Variants in NRG1 observed in about 807,000 individuals in gnomAD.
NRG1 encodes pro-neuregulin-1, membrane-bound isoform.
Under a neutral mutation model 63.8 loss-of-function variants are expected in NRG1, and 18 were observed. That is an observed-to-expected ratio of 0.28 (90% CI 0.19 to 0.42). The LOEUF is 0.42. NRG1 is among the 10% of genes least tolerant of loss of function. The pLI is 1.00. For missense variants in NRG1, 762 were observed against 814.7 expected (o/e 0.94, Z 0.79); for synonymous variants, 302 against 301.3 (o/e 1.00, Z -0.02).
At chr8:32,639,503 G>A (rs2129545442) in intron 5 of NRG1, among the ~76,000 whole-genome samples, 1 of 152,258 alleles carries the variant, frequency 6.6e-6, no homozygotes, top group Admixed American at 6.5e-5. Context: ...TCTTTATTCT[G>A]GGAATGTTGT....
At chr8:32,322,292 T>C (rs964985229) in intron 1 of NRG1, among the ~76,000 whole-genome samples, 6 of 151,564 alleles carry the variant, frequency 4.0e-5, no homozygotes, top group African/African-American at 1.5e-4. Flanking sequence ...CTTTACAAAA[T>C]ATAATGGTTG....
intron 1 of NRG1, among the ~76,000 whole-genome samples, chr8:32,048,403 G>T (rs532683529): frequency 1.5e-5 from 2 of 137,406 alleles, no homozygotes; most frequent in East Asian, 4.1e-4. Context: ...ACATGTACAT[G>T]AATATGAATA....
intron 1 of NRG1, among the ~76,000 whole-genome samples, chr8:31,903,524 G>GACCCACAGAA (rs1460870792): frequency 6.6e-6 from 1 of 152,024 alleles, no homozygotes; most frequent in Non-Finnish European, 1.5e-5. Context: ...ATTGTGCTCT[G>GACCCACAGAA]TCTCAGTTCC....
intron 1 of NRG1, among the ~76,000 whole-genome samples, chr8:32,380,382 A>G (rs1278417228): frequency 1.3e-5 from 2 of 151,982 alleles, no homozygotes; most frequent in Non-Finnish European, 1.5e-5. Context: ...CTTTTTCTAT[A>G]TGCTCTTTTT....
chr8:31,760,805 G>T (rs1817465815), intron 1 of NRG1, among the ~76,000 whole-genome samples: 1 of 152,140 alleles, frequency 6.6e-6, no homozygotes, highest in Non-Finnish European at 1.5e-5. Context: ...GGAAAGAACA[G>T]GTGCTGGAGA....
chr8:32,239,162 T>G (rs559474208), intron 1 of NRG1, among the ~76,000 whole-genome samples: 1 of 152,216 alleles, frequency 6.6e-6, no homozygotes, highest in South Asian at 2.1e-4. Context: ...TTTATTTTTT[T>G]TTAAAAAGCT....
chr8:32,170,277 C>T lies in NRG1; in HGVS notation c.38-425551C>T, dbSNP rs554929504. The stretch of plus-strand genomic sequence containing the variant: ...CCAAGTGGGGAAGAAAAGGGAGAAA[C>T]AGGTTTAGAGGTGGAGTAAAAGATA... On this transcript the variant is annotated intron_variant, in intron 1 of 10. Coordinates refer to the NRG1 transcript ENST00000519301. 1.3e-4 allele frequency among the ~76,000 whole-genome samples: 20 copies of T among 152,258 alleles called. 1 individual carries two copies. The highest frequency in any genetic ancestry group is 4.6e-4 in the African/African-American group (19 of 41,558).
chr8:32,752,073 G>T (rs114992337), intron 7 of NRG1, among the ~76,000 whole-genome samples: 2,144 of 152,216 alleles, frequency 0.014, 46 homozygotes, highest in African/African-American at 0.049. Context: ...AAACAATAGA[G>T]GACGGAAAAG....
chr8:32,773,042 A>G (rs1831907656), intron 7 of NRG1, among the ~76,000 whole-genome samples: 1 of 152,082 alleles, frequency 6.6e-6, no homozygotes, highest in South Asian at 2.1e-4. Context: ...CCCTTCACTG[A>G]TACCTCTGAT....
intron 1 of NRG1, among the ~76,000 whole-genome samples, chr8:32,471,585 A>G (rs1823852915): frequency 6.6e-6 from 1 of 152,212 alleles, no homozygotes; most frequent in Non-Finnish European, 1.5e-5. Flanking sequence ...GTTTAGTAAG[A>G]GACAATAAAC....
chr8:32,598,999 A>G (rs1843845109), intron 2 of NRG1, among the ~76,000 whole-genome samples: 1 of 152,078 alleles, frequency 6.6e-6, no homozygotes, highest in African/African-American at 2.4e-5. Flanking sequence ...CATAGTGGTA[A>G]TGAATTGTTA....
chr8:32,493,735 G>A (rs962205433), intron 1 of NRG1, among the ~76,000 whole-genome samples: 4 of 152,074 alleles, frequency 2.6e-5, no homozygotes, highest in South Asian at 2.1e-4. Context: ...ATGCAAATAC[G>A]CCAGTTTTGC....
intron 1 of NRG1, among the ~76,000 whole-genome samples, chr8:31,683,583 G>T (rs746345434): frequency 6.6e-6 from 1 of 152,046 alleles, no homozygotes. Context: ...TCTTCAGGGC[G>T]GTGAAACTAT....
chr8:32,748,967 T>G, intron 7 of NRG1: 1 of 210,376 alleles, frequency 4.8e-6, no homozygotes, highest in Non-Finnish European at 9.6e-6. Flanking sequence ...GTAAAAGAGA[T>G]ACAGCTAAGA....
intron 1 of NRG1, among the ~76,000 whole-genome samples, chr8:32,205,113 T>A (rs1843897221): frequency 6.6e-6 from 1 of 152,200 alleles, no homozygotes; most frequent in East Asian, 1.9e-4. Flanking sequence ...ATCATATAAA[T>A]GGCTTAGAGG....
At chr8:32,749,446 C>A in intron 7 of NRG1, 1 of 1,042,994 alleles carries the variant, frequency 9.6e-7, no homozygotes, top group Non-Finnish European at 1.5e-6. Flanking sequence ...GTTCAATGTG[C>A]ATGCACAGAG....
intron 1 of NRG1, among the ~76,000 whole-genome samples, chr8:32,005,256 C>T (rs145232754): frequency 1.3e-5 from 2 of 151,996 alleles, no homozygotes; most frequent in East Asian, 3.9e-4. Flanking sequence ...TGGGACTTAA[C>T]ATCAGCTCCA....
At chr8:32,246,695 T>C (rs1848617739) in intron 1 of NRG1, among the ~76,000 whole-genome samples, 1 of 152,154 alleles carries the variant, frequency 6.6e-6, no homozygotes, top group Admixed American at 6.6e-5. Flanking sequence ...AGAATCTCCA[T>C]TTGAAAAATA....
At chr8:32,253,836 G>GTTGA (rs1849386887) in intron 1 of NRG1, among the ~76,000 whole-genome samples, 1 of 152,054 alleles carries the variant, frequency 6.6e-6, no homozygotes, top group African/African-American at 2.4e-5. Flanking sequence ...TTTTCGATTG[G>GTTGA]TAGGCTATTA....
Sources: gnomAD v4.1 joint callset for allele counts (sites outside exome capture counted in the v4.1 genomes callset) on GRCh38, gnomAD v4.1.1 for gene constraint, MANE v1.5 for transcripts, NCBI Gene and HGNC (gene_info 2026-07-23, HGNC 2026-07-21) for gene names.